LIMS2: variants seen among roughly 807,000 people sequenced by gnomAD.
LIMS2 encodes the protein LIM zinc finger domain containing 2.
Under a neutral mutation model 45.3 loss-of-function variants are expected in LIMS2, and 30 were observed. That is an observed-to-expected ratio of 0.66 (90% CI 0.50 to 0.90). LIMS2 has a LOEUF of 0.90. Ranked by LOEUF, LIMS2 falls within the 40% of genes least tolerant of loss-of-function variation. The probability of loss-of-function intolerance (pLI) is 0.00; values close to 1 mark genes in which losing one functional copy is unlikely to be tolerated. For missense variants in LIMS2, 485 were observed against 468.7 expected, an observed-to-expected ratio of 1.03 and a Z score of -0.32; for synonymous variants, 173 against 188.0, an observed-to-expected ratio of 0.92 and a Z score of 0.65.
At chr2:127,678,056 C>T (rs901179407), upstream of LIMS2, among the ~76,000 whole-genome samples, 10 of 152,134 alleles carry the variant, frequency 6.6e-5, no homozygotes, top group Admixed American at 5.9e-4. The surrounding 1 kb of genome is among the most constrained non-coding windows in gnomAD (Gnocchi z 5.3). Context: ...AGAAAAATAC[C>T]GTAAACGATA....
intron 1 of LIMS2, among the ~76,000 whole-genome samples, chr2:127,661,533 G>A (rs1684660124): frequency 6.6e-6 from 1 of 151,282 alleles, no homozygotes; most frequent in African/African-American, 2.4e-5. Context: ...TCAAGATAGA[G>A]AGCACAGAGT....
At chr2:127,677,049 C>G (rs1398019973), upstream of LIMS2, among the ~76,000 whole-genome samples, 1 of 152,188 alleles carries the variant, frequency 6.6e-6, no homozygotes, top group African/African-American at 2.4e-5. The surrounding 1 kb of genome is among the most constrained non-coding windows in gnomAD (Gnocchi z 5.0). Context: ...GTGCCTCATC[C>G]CTGGGCCAGG....
chr2:127,650,510 C>T (rs1026040630), intron 4 of LIMS2: 15 of 578,432 alleles, frequency 2.6e-5, no homozygotes, highest in African/African-American at 3.7e-5. Flanking sequence ...CCTGGTTCTG[C>T]GTTTGCCTTG....
intron 4 of LIMS2, chr2:127,651,530 T>A (rs761468850): frequency 1.2e-6 from 2 of 1,612,474 alleles, no homozygotes; most frequent in East Asian, 4.5e-5. Flanking sequence ...ACCGCAGCCA[T>A]GGGGCCTCCT....
In LIMS2 at chr2:127,664,607, C is replaced by CG; in HGVS notation, c.12-7046dup. On this transcript the variant is annotated intron_variant, in intron 1 of 9. Transcript: ENST00000355119. The surrounding 1 kb of genome is among the most constrained non-coding windows in gnomAD (Gnocchi z 5.5). ...AATAGAAAGGATATTGTTCGCGCCG[C>CG]GGGGGCAGCTCCTGAAAGCTGAGGC... The CG allele has an allele frequency of 8.9e-7, 1 of 1,118,176 alleles. No individual in the cohort carries two copies. The highest frequency in any genetic ancestry group is 1.1e-6 in the Non-Finnish European group (1 of 916,138). The allele number at this position is 1,118,176 out of a possible 1,614,324, so 69.3% of individuals were successfully genotyped here. A position where few individuals can be genotyped will look rare whatever the true frequency, so the allele number is the denominator to read the frequency against.
At chr2:127,648,953 AGGGG>A (rs1683296683) in intron 4 of LIMS2, among the ~76,000 whole-genome samples, 1 of 30,684 alleles carries the variant, frequency 3.3e-5, no homozygotes, top group Non-Finnish European at 5.8e-5. Context: ...GAGGGAGGGG[AGGGG>A]AGGGGAGGGG....
chr2:127,641,206 G>C, intron 6 of LIMS2: 1 of 537,596 alleles, frequency 1.9e-6, no homozygotes, highest in South Asian at 2.1e-5. Flanking sequence ...TGACACCTCT[G>C]TGAATGCCCT....
In LIMS2 at chr2:127,653,303, T is replaced by A. The variant is rs944589714; in HGVS notation, c.359+1121A>T. Among the ~76,000 whole-genome samples the A allele has an allele frequency of 6.6e-6, 1 of 152,052 alleles. No individual in the cohort carries two copies. The highest frequency in any genetic ancestry group is 2.4e-5 in the African/African-American group (1 of 41,390). ...GGCTGGGGCCTCTGGGGGTCGGCGC[T>A]GCCTCTCACTGATACAGGGGACGCA... On this transcript the variant is annotated intron_variant, in intron 4 of 9. Transcript: ENST00000355119. The surrounding 1 kb of genome is among the most constrained non-coding windows in gnomAD (Gnocchi z 5.3).
intron 4 of LIMS2, chr2:127,652,277 A>T (rs1347310933): frequency 5.7e-6 from 1 of 175,152 alleles, no homozygotes; most frequent in Non-Finnish European, 1.4e-5. Context: ...TTGAAGAGAC[A>T]CAGGCCACAC....
At chr2:127,668,506 T>C (rs969482856) in intron 1 of LIMS2, among the ~76,000 whole-genome samples, 7 of 151,240 alleles carry the variant, frequency 4.6e-5, no homozygotes, top group African/African-American at 1.7e-4. Context: ...CGATCTCTAC[T>C]ACAAATATAA....
chr2:127,639,066 C>T lies in LIMS2; in HGVS notation c.*215G>A. On this transcript the variant is annotated 3_prime_UTR_variant, in exon 10 of 10. Transcript: ENST00000355119. ...CGTGGGGTCATAGGCTCCCACTCCCCAGCTCCTGCCTCCTCACAGACAGAA... is the reference window on the plus strand; with the variant it reads ...CGTGGGGTCATAGGCTCCCACTCCCTAGCTCCTGCCTCCTCACAGACAGAA... 1.7e-6 allele frequency: 1 copy of T among 577,076 alleles called. No individual in the cohort carries two copies. The highest frequency in any genetic ancestry group is 3.0e-6 in the Non-Finnish European group (1 of 328,574). The allele number at this position is 577,076 out of a possible 1,614,324, so 35.7% of individuals were successfully genotyped here. A position where few individuals can be genotyped will look rare whatever the true frequency, so the allele number is the denominator to read the frequency against.
chr2:127,639,393 C>CA lies in LIMS2; in HGVS notation c.913dup (p.Cys305LeufsTer2), dbSNP rs748517079. On this transcript the variant is annotated frameshift_variant, in exon 10 of 10. Transcript: ENST00000355119. LOFTEE classifies it high-confidence loss of function. ...CGGGAACTTCTCGTAGCACCTCTTA[C>CA]ACACGGGCTTCATGTCGAACTCCAC... 1 of 1,613,924 alleles carries CA rather than the reference C, an allele frequency of 6.2e-7. No individual in the cohort carries two copies. Among genetic ancestry groups the CA allele is most frequent in the Admixed American group, 1.7e-5 (1 of 60,012 alleles).
upstream of LIMS2, among the ~76,000 whole-genome samples, chr2:127,675,768 C>G (rs1221748353): frequency 1.3e-5 from 2 of 152,220 alleles, no homozygotes; most frequent in Non-Finnish European, 2.9e-5. Flanking sequence ...GCACTGACTC[C>G]CTCCCGAGGC....
intron 1 of LIMS2, among the ~76,000 whole-genome samples, chr2:127,668,838 G>A (rs535942056): frequency 1.3e-3 from 205 of 151,924 alleles, no homozygotes; most frequent in African/African-American, 4.5e-3. Context: ...AGTGGCTCAC[G>A]CCTATAATCC....
chr2:127,659,034 C>T (rs1436986254), intron 1 of LIMS2, among the ~76,000 whole-genome samples: 1 of 151,850 alleles, frequency 6.6e-6, no homozygotes, highest in African/African-American at 2.4e-5. Context: ...AGAAGAGGGG[C>T]CTTAGGATGA....
At chr2:127,668,664 G>A (rs1181872003) in intron 1 of LIMS2, among the ~76,000 whole-genome samples, 243 of 32,600 alleles carry the variant, frequency 7.5e-3, no homozygotes, top group African/African-American at 0.024. Context: ...GTGAGACTCC[G>A]TCTCAAAAAA....
chr2:127,668,708 AAAACAC>A lies in LIMS2; in HGVS notation c.11+6300_11+6305del, dbSNP rs1685149343. Among the ~76,000 whole-genome samples, 6 of 132,470 alleles carry A rather than the reference AAAACAC, an allele frequency of 4.5e-5. 1 individual carries two copies. Among genetic ancestry groups the A allele is most frequent in the African/African-American group, 1.8e-4 (6 of 32,488 alleles). The allele number at this position is 132,470 out of a possible 152,430, so 86.9% of individuals were successfully genotyped here. On this transcript the variant is annotated intron_variant, in intron 1 of 9. Coordinates refer to ENST00000355119, the MANE Select transcript of LIMS2 (RefSeq NM_001161403.3). ...AAAAAAAAAAAAAAAAAAAAAAAAA[AAAACAC>A]CTTACTTAAAAATTACAATTTACTT...
chr2:127,657,776 C>T (rs1337407459), intron 1 of LIMS2, among the ~76,000 whole-genome samples: 3 of 152,200 alleles, frequency 2.0e-5, no homozygotes, highest in Non-Finnish European at 4.4e-5. Flanking sequence ...CCCACTTGGG[C>T]CCCTATTACC....
intron 1 of LIMS2, among the ~76,000 whole-genome samples, chr2:127,659,758 C>T (rs950809670): frequency 2.0e-5 from 3 of 152,212 alleles, no homozygotes; most frequent in African/African-American, 7.2e-5. Flanking sequence ...CGCCTTAAAG[C>T]CAGACCTCTA....
Sources: gnomAD v4.1 joint callset for allele counts (sites outside exome capture counted in the v4.1 genomes callset) on GRCh38, gnomAD v4.1.1 for gene constraint, Gnocchi (gnomAD v3.1) non-coding constraint, MANE v1.5 for transcripts, NCBI Gene and HGNC (gene_info 2026-07-23, HGNC 2026-07-21) for gene names.